Variants in SEL1L3 observed in about 807,000 individuals in gnomAD.
The protein encoded by SEL1L3 is protein sel-1 homolog 3.
Under a neutral mutation model 142.8 loss-of-function variants are expected in SEL1L3, and 76 were observed. That is an observed-to-expected ratio of 0.53 (90% CI 0.44 to 0.64). SEL1L3 has a LOEUF of 0.64. Among genes scored for constraint, SEL1L3 ranks in the 30% least tolerant of loss-of-function variants. The probability of loss-of-function intolerance (pLI) is 0.00; values close to 1 mark genes in which losing one functional copy is unlikely to be tolerated. For synonymous variants in SEL1L3, 504 were observed against 519.6 expected (o/e 0.97, Z 0.41); for missense variants, 1,262 against 1,381.7 (o/e 0.91, Z 1.37).
intron 20 of SEL1L3, among the ~76,000 whole-genome samples, chr4:25,761,963 C>A (rs1718405130): frequency 6.6e-6 from 1 of 152,036 alleles, no homozygotes; most frequent in Admixed American, 6.6e-5. Flanking sequence ...ATTTTTACTT[C>A]TATTTTTTGA....
At chr4:25,725,546 C>T in the SEL1L3 span, among the ~76,000 whole-genome samples, 1 of 152,110 alleles carries the variant, frequency 6.6e-6, no homozygotes, top group Non-Finnish European at 1.5e-5. Context: ...GAACTCTTGG[C>T]CTCAAGTGAT....
Position 25,830,106 on chromosome 4 carries a change from C to G in SEL1L3, c.1149G>C (p.Gln383His). 6.2e-7 allele frequency: 1 copy of G among 1,609,094 alleles called. No individual in the cohort carries two copies. ...IGQDLKSYHN[Q>H]TISFREDFHY... ...AGAAAAATCGCACTTACCTAATGGT[C>G]TGATTGTGGTAGCTTTTCAAATCCT... Residue 383 changes from glutamine (Q) to histidine (H), a missense_variant, in exon 6 of 24, where the codon CAG (glutamine) becomes CAC (histidine). Coordinates refer to ENST00000399878, the MANE Select transcript of SEL1L3 (RefSeq NM_015187.5).
intron 17 of SEL1L3, among the ~76,000 whole-genome samples, chr4:25,772,460 C>T (rs1196412854): frequency 1.3e-5 from 2 of 152,082 alleles, no homozygotes; most frequent in African/African-American, 4.8e-5. Context: ...CTCCTATGAC[C>T]TAGAGTCCCC....
chr4:25,720,116 C>T, the SEL1L3 span: 1 of 152,108 alleles, frequency 6.6e-6, no homozygotes, highest in African/African-American at 2.4e-5. Flanking sequence ...CAGTCTAACC[C>T]TTTTTGGGCT....
intron 10 of SEL1L3, among the ~76,000 whole-genome samples, chr4:25,803,917 C>G (rs559942128): frequency 6.6e-6 from 1 of 152,170 alleles, no homozygotes; most frequent in Admixed American, 6.5e-5. Context: ...AGCTTGCAGA[C>G]GGCAGACTGT....
At chr4:25,830,605 G>C (rs1440710789) in intron 5 of SEL1L3, among the ~76,000 whole-genome samples, 1 of 152,128 alleles carries the variant, frequency 6.6e-6, no homozygotes, top group Non-Finnish European at 1.5e-5. Flanking sequence ...TAAGCACTGG[G>C]AATCATCATT....
intron 8 of SEL1L3, among the ~76,000 whole-genome samples, 197 bp downstream of exon 8, chr4:25,819,611 T>C (rs958501654): frequency 2.0e-5 from 3 of 152,206 alleles, no homozygotes; most frequent in East Asian, 1.9e-4. Flanking sequence ...TTGGCTGTCA[T>C]TGGTCTTGGT....
chr4:25,788,267 T>C lies in SEL1L3; in HGVS notation c.2174A>G (p.Glu725Gly). The part of the protein sequence containing the change: ...EWYAKGALET[E>G]DPALIYDYAI... The stretch of plus-strand genomic sequence containing the variant: ...ATAGTCATAGATTAACGCAGGATCC[T>C]CCGTCTCCAGGGCGCCCTTGGCGTA... Residue 725 changes from glutamate (E) to glycine (G), a missense_variant, in exon 13 of 24, where the codon GAG becomes GGG. By Grantham distance (98) the Glu-to-Gly change is moderately conservative. Coordinates refer to ENST00000399878, the MANE Select transcript of SEL1L3 (RefSeq NM_015187.5). This position sits in a 1 kb window ranked among gnomAD's most constrained non-coding sequence, Gnocchi z 5.3. 6.2e-7 allele frequency: 1 copy of C among 1,613,972 alleles called. No homozygotes were observed.
At chr4:25,814,686 C>T (rs144942128) in intron 9 of SEL1L3, among the ~76,000 whole-genome samples, 9 of 152,180 alleles carry the variant, frequency 5.9e-5, no homozygotes, top group East Asian at 1.9e-4. Context: ...GAACTGGGAA[C>T]GGCGATAGCG....
chr4:25,755,239 A>C (rs1717873076), intron 23 of SEL1L3, among the ~76,000 whole-genome samples: 1 of 150,550 alleles, frequency 6.6e-6, no homozygotes, highest in Non-Finnish European at 1.5e-5. Context: ...ATGTGCAATG[A>C]CACCTGGCTA....
chr4:25,746,507 A>AATAAATATATATATATATATATATAT (rs1717265391), downstream of SEL1L3, among the ~76,000 whole-genome samples: 1 of 101,560 alleles, frequency 9.8e-6, no homozygotes. Flanking sequence ...ATATTATCTA[A>AATAAATATATATATATATATATATAT]ATATATATAT....
chr4:25,835,841 T>C (rs1715781556), intron 2 of SEL1L3, among the ~76,000 whole-genome samples: 1 of 152,250 alleles, frequency 6.6e-6, no homozygotes, highest in Non-Finnish European at 1.5e-5. Flanking sequence ...GTTGCCAAAA[T>C]AGTAAGTAAT....
At chr4:25,843,404 G>A (rs1350468481) in intron 2 of SEL1L3, among the ~76,000 whole-genome samples, 1 of 152,136 alleles carries the variant, frequency 6.6e-6, no homozygotes, top group Non-Finnish European at 1.5e-5. Context: ...TGCAAGAAGG[G>A]ACTGAATATG....
At chr4:25,722,978 A>G in the SEL1L3 span, among the ~76,000 whole-genome samples, 5 of 152,286 alleles carry the variant, frequency 3.3e-5, no homozygotes, top group Middle Eastern at 3.4e-3. Context: ...GTCCAAGGAG[A>G]GTTACGTGGA....
chr4:25,773,581 A>G (rs1719388773), intron 17 of SEL1L3: 1 of 152,182 alleles, frequency 6.6e-6, no homozygotes, highest in African/African-American at 2.4e-5. Flanking sequence ...TTCACCATAC[A>G]CAGCTGTTTG....
the SEL1L3 span, among the ~76,000 whole-genome samples, chr4:25,738,491 A>G: frequency 6.6e-6 from 1 of 152,198 alleles, no homozygotes; most frequent in Non-Finnish European, 1.5e-5. Context: ...CATTAAAGAA[A>G]CACCAAGGCT....
chr4:25,724,822 A>G, the SEL1L3 span, among the ~76,000 whole-genome samples: 4 of 150,892 alleles, frequency 2.7e-5, no homozygotes, highest in South Asian at 8.5e-4. Flanking sequence ...ATCCTCTGGT[A>G]GTTATAACAG....
the SEL1L3 span, among the ~76,000 whole-genome samples, chr4:25,742,047 A>G: frequency 6.6e-6 from 1 of 151,258 alleles, no homozygotes; most frequent in African/African-American, 2.4e-5. Flanking sequence ...CTTGTCCTCA[A>G]GTGATCTGCC....
At chr4:25,834,211 G>A (rs1395594043) in intron 3 of SEL1L3, among the ~76,000 whole-genome samples, 1 of 152,152 alleles carries the variant, frequency 6.6e-6, no homozygotes, top group African/African-American at 2.4e-5. Context: ...GTACATCTGT[G>A]ACTTGTAGAG....
Sources: gnomAD v4.1 joint callset for allele counts (sites outside exome capture counted in the v4.1 genomes callset) on GRCh38, gnomAD v4.1.1 for gene constraint, Gnocchi (gnomAD v3.1) non-coding constraint, MANE v1.5 for transcripts, NCBI Gene and HGNC (gene_info 2026-07-23, HGNC 2026-07-21) for gene names.